Variants in YTHDC2 observed in about 807,000 individuals in gnomAD.
YTHDC2 encodes the protein YTH N6-methyladenosine RNA binding protein C2.
Under a neutral mutation model 174.9 loss-of-function variants are expected in YTHDC2, and 45 were observed. That is an observed-to-expected ratio of 0.26 (90% confidence interval 0.20 to 0.33). The LOEUF (loss-of-function observed/expected upper bound fraction) is 0.33. YTHDC2 is among the 10% of genes least tolerant of loss of function. The pLI is 1.00. For synonymous variants in YTHDC2, 657 were observed against 574.5 expected (o/e 1.14, Z -2.05); for missense variants, 1,650 against 1,723.7 (o/e 0.96, Z 0.76).
Position 113,554,030 on chromosome 5 carries a change from T to C in YTHDC2, c.2133+8T>C. 6.6e-7 allele frequency: 1 copy of C among 1,519,700 alleles called. No individual in the cohort carries two copies. Among genetic ancestry groups the C allele is most frequent in the Non-Finnish European group, 8.8e-7 (1 of 1,134,782 alleles). 94.1% of individuals were successfully genotyped at this position (1,519,700 alleles called of 1,614,324 possible). On this transcript the variant is annotated splice_region_variant and intron_variant, in intron 16 of 29. Coordinates refer to ENST00000161863, the MANE Select transcript of YTHDC2 (RefSeq NM_022828.5). The stretch of plus-strand genomic sequence containing the variant: ...TCTGGTAAGGTGAAAGAGGTATGTA[T>C]GGGTAAGTTGTAGTTTTACTTAAAT...
At chr5:113,539,002 G>C in intron 7 of YTHDC2, 72 bp from the exon 8 acceptor site, 1 of 734,520 alleles carries the variant, frequency 1.4e-6, no homozygotes, top group African/African-American at 1.9e-5. Context: ...TCATTAACTT[G>C]GGATTTTCAT....
At chr5:113,549,467 A>G (rs1776105261) in intron 12 of YTHDC2, among the ~76,000 whole-genome samples, 1 of 152,196 alleles carries the variant, frequency 6.6e-6, no homozygotes, top group African/African-American at 2.4e-5. Context: ...CACTCATTTT[A>G]GCTTTGAAAC....
At chr5:113,566,963 G>T (rs1034023241) in intron 21 of YTHDC2, 129 bp from the exon 22 acceptor site, 1 of 1,041,558 alleles carries the variant, frequency 9.6e-7, no homozygotes, top group Non-Finnish European at 1.4e-6. Flanking sequence ...CTTTCCAGAG[G>T]AGATTCTATT....
At chr5:113,528,242 G>A (rs764553058) in intron 4 of YTHDC2, among the ~76,000 whole-genome samples, 1 of 151,900 alleles carries the variant, frequency 6.6e-6, no homozygotes, top group Non-Finnish European at 1.5e-5. Flanking sequence ...AGATATGAAA[G>A]GATACTTGTG....
At chr5:113,555,064 TA>T in intron 16 of YTHDC2, among the ~76,000 whole-genome samples, 1 of 152,136 alleles carries the variant, frequency 6.6e-6, no homozygotes, top group African/African-American at 2.4e-5. Context: ...ATTTTATTTT[TA>T]TATAATAGTA....
At chr5:113,535,927 C>T in intron 7 of YTHDC2, 129 bp downstream of exon 7, 1 of 692,950 alleles carries the variant, frequency 1.4e-6, no homozygotes, top group Non-Finnish European at 2.3e-6. Context: ...CTGAGATAGG[C>T]TTAATTGTCA....
At chr5:113,586,208 T>C (rs964997365) in intron 26 of YTHDC2, among the ~76,000 whole-genome samples, 55 of 152,044 alleles carry the variant, frequency 3.6e-4, no homozygotes, top group Non-Finnish European at 4.4e-4. Context: ...TCCAGTTGGG[T>C]ATGTGGTAAT....
rs1231718999 is a variant in YTHDC2, at chr5:113,595,123, A to G, written c.*1649A>G. ...GTTCTAAATTTGGAAGGACTTAAAAAAAAAACTTGTTTAAATTTCCATCTG... is the reference window on the plus strand; with the variant it reads ...GTTCTAAATTTGGAAGGACTTAAAAGAAAAACTTGTTTAAATTTCCATCTG... On this transcript the variant is annotated 3_prime_UTR_variant, in exon 30 of 30. Coordinates refer to ENST00000161863, the MANE Select transcript of YTHDC2 (RefSeq NM_022828.5). 1 of 152,180 alleles carries G rather than the reference A, an allele frequency of 6.6e-6. No individual in the cohort carries two copies. The highest frequency in any genetic ancestry group is 6.5e-5 in the Admixed American group (1 of 15,268). 9.4% of individuals were successfully genotyped at this position (152,180 alleles called of 1,614,324 possible). A position where few individuals can be genotyped will look rare whatever the true frequency, so the allele number is the denominator to read the frequency against.
At chr5:113,519,590 G>A (rs572501990) in intron 2 of YTHDC2, among the ~76,000 whole-genome samples, 1 of 152,284 alleles carries the variant, frequency 6.6e-6, no homozygotes, top group South Asian at 2.1e-4. Flanking sequence ...TGCCTAACAG[G>A]TACCAAATAG....
intron 5 of YTHDC2, among the ~76,000 whole-genome samples, 197 bp downstream of exon 5, chr5:113,533,242 A>G (rs1334163386): frequency 1.3e-5 from 2 of 152,180 alleles, no homozygotes; most frequent in Non-Finnish European, 2.9e-5. Context: ...TTTGAACCAT[A>G]GATAAAAATT....
intron 2 of YTHDC2, among the ~76,000 whole-genome samples, chr5:113,522,616 G>C (rs1773954496): frequency 6.6e-6 from 1 of 152,074 alleles, no homozygotes; most frequent in African/African-American, 2.4e-5. Flanking sequence ...TTGTATAAAA[G>C]ATTCCTGTGT....
chr5:113,568,136 G>T (rs186371455), intron 23 of YTHDC2, among the ~76,000 whole-genome samples: 1 of 151,862 alleles, frequency 6.6e-6, no homozygotes, highest in East Asian at 1.9e-4. Context: ...CGTAAATAAA[G>T]TTAATTGTAA....
intron 19 of YTHDC2, among the ~76,000 whole-genome samples, 169 bp from the exon 20 acceptor site, chr5:113,563,690 C>T (rs376969306): frequency 6.6e-6 from 1 of 152,030 alleles, no homozygotes; most frequent in Non-Finnish European, 1.5e-5. Context: ...ATGTATGAAA[C>T]AGTAGATATA....
chr5:113,531,173 T>C (rs540771435), intron 4 of YTHDC2, among the ~76,000 whole-genome samples: 3 of 151,922 alleles, frequency 2.0e-5, no homozygotes, highest in African/African-American at 7.3e-5. Flanking sequence ...TTTTAAAATA[T>C]TTGTTGGTGG....
intron 9 of YTHDC2, 65 bp from the exon 10 acceptor site, chr5:113,542,303 T>C: frequency 6.5e-7 from 1 of 1,549,690 alleles, no homozygotes; most frequent in South Asian, 1.2e-5. Flanking sequence ...GTGGCCATCT[T>C]ATGTTCTTTG....
In YTHDC2 at chr5:113,553,172, TTTTTTC is replaced by T. The variant is rs780867997; in HGVS notation, c.1689-8_1689-3del. 2.4e-5 allele frequency: 33 copies of T among 1,384,980 alleles called. No homozygotes were observed. Among genetic ancestry groups the T allele is most frequent in the Middle Eastern group, 3.8e-4 (2 of 5,272 alleles). The allele number at this position is 1,384,980 out of a possible 1,614,324, so 85.8% of individuals were successfully genotyped here. On this transcript the variant is annotated splice_polypyrimidine_tract_variant and splice_region_variant and intron_variant, in intron 12 of 29. Coordinates refer to ENST00000161863, the MANE Select transcript of YTHDC2 (RefSeq NM_022828.5). ...TTGACTTTGTCTTTTTTTTTTTTTT[TTTTTTC>T]AGTGCTACACTGGAATTTGGAAATC...
At chr5:113,514,259 C>G (rs1261395661) in intron 1 of YTHDC2, 177 bp downstream of exon 1, 2 of 779,282 alleles carry the variant, frequency 2.6e-6, no homozygotes, top group African/African-American at 1.7e-5. Flanking sequence ...GCTGTTGGCC[C>G]TGCGGTGGAA....
At chr5:113,589,409 ATATAT>A (rs1188554677) in intron 26 of YTHDC2, among the ~76,000 whole-genome samples, 1,525 of 89,096 alleles carry the variant, frequency 0.017, 41 homozygotes, top group African/African-American at 0.06. Flanking sequence ...AAAAAAAAAA[ATATAT>A]ATATATATAT....
intron 17 of YTHDC2, among the ~76,000 whole-genome samples, chr5:113,559,080 G>A (rs1451138754): frequency 6.6e-6 from 1 of 152,090 alleles, no homozygotes; most frequent in Non-Finnish European, 1.5e-5. Flanking sequence ...AAGAGCAGAT[G>A]GCTAAGGGTT....
Sources: allele counts gnomAD v4.1 joint callset (sites outside exome capture counted in the v4.1 genomes callset), GRCh38; gene constraint gnomAD v4.1.1; transcripts MANE v1.5; gene names NCBI Gene and HGNC (gene_info 2026-07-23, HGNC 2026-07-21).